Variants in PKHD1 observed in about 807,000 individuals in gnomAD.
The protein encoded by PKHD1 is PKHD1 ciliary IPT domain containing fibrocystin/polyductin, also known as fibrocystin.
Under a neutral mutation model 412.0 loss-of-function variants are expected in PKHD1, and 291 were observed. The ratio of observed to expected loss-of-function variants is 0.71; its 90% CI spans 0.64 to 0.78. The LOEUF is 0.78. Ranked by LOEUF, PKHD1 falls within the 30% of genes least tolerant of loss-of-function variation. The pLI is 0.00. For missense variants in PKHD1, 4,825 were observed against 4,950.7 expected, an observed-to-expected ratio of 0.97 and a Z score of 0.76; for synonymous variants, 1,777 against 1,821.5, an observed-to-expected ratio of 0.98 and a Z score of 0.62.
intron 52 of PKHD1, among the ~76,000 whole-genome samples, chr6:51,800,076 C>T (rs576099852): frequency 3.4e-4 from 51 of 152,188 alleles, no homozygotes; most frequent in African/African-American, 1.2e-3. Context: ...GAAAGAGGCT[C>T]CAAAAAGAAT....
chr6:52,027,943 T>C lies in PKHD1; in HGVS notation c.3561-47A>G, dbSNP rs754131274. ...TTAGGAAATAACTGACAGAGAGAGA[T>C]AAGAAAGAGTAAGCCAGAAGAGCCA... On this transcript the variant is annotated intron_variant, in intron 30 of 66. Coordinates refer to ENST00000371117, the MANE Select transcript of PKHD1 (RefSeq NM_138694.4). 9 of 1,415,650 alleles carry C rather than the reference T, an allele frequency of 6.4e-6. No homozygotes were observed. The East Asian group carries it at 1.8e-4, about 29-fold the overall frequency. 87.7% of individuals were successfully genotyped at this position (1,415,650 alleles called of 1,614,324 possible).
intron 61 of PKHD1, among the ~76,000 whole-genome samples, chr6:51,654,637 A>G (rs1335166190): frequency 9.4e-6 from 1 of 106,308 alleles, no homozygotes; most frequent in Non-Finnish European, 1.9e-5. Flanking sequence ...TTTCATAGCA[A>G]AATAGCAAAA....
At chr6:51,837,777 A>G (rs1769496006) in intron 50 of PKHD1, among the ~76,000 whole-genome samples, 1 of 152,256 alleles carries the variant, frequency 6.6e-6, no homozygotes, top group South Asian at 2.1e-4. Context: ...ATGATCCCCA[A>G]AGAGATCCAT....
At chr6:51,713,531 G>A (rs1416973931) in intron 60 of PKHD1, among the ~76,000 whole-genome samples, 1 of 152,332 alleles carries the variant, frequency 6.6e-6, no homozygotes, top group East Asian at 1.9e-4. Flanking sequence ...TCTGCCGTGA[G>A]TAAGAACATT....
chr6:52,058,050 G>C (rs1347662383), intron 16 of PKHD1, among the ~76,000 whole-genome samples: 2 of 152,168 alleles, frequency 1.3e-5, no homozygotes, highest in Non-Finnish European at 2.9e-5. Context: ...GTGTTTAGAG[G>C]ACCTTGTCTC....
At chr6:51,943,425 T>A (rs1788902528) in intron 36 of PKHD1, among the ~76,000 whole-genome samples, 1 of 150,888 alleles carries the variant, frequency 6.6e-6, no homozygotes, top group African/African-American at 2.4e-5. Flanking sequence ...ATCCCTACTA[T>A]CTTCTGTCTA....
rs140197286 is a variant in PKHD1, at chr6:51,801,639, T to TTGTGTGTGTGTGTGTGTGTGTGTGTGTG, written c.8303-10267_8303-10266insCACACACACACACACACACACACACACA. On this transcript the variant is annotated intron_variant, in intron 52 of 66. Coordinates refer to ENST00000371117, the MANE Select transcript of PKHD1 (RefSeq NM_138694.4). ...GAAGAAAAACCATCTGCTGGCCTGA[T>TTGTGTGTGTGTGTGTGTGTGTGTGTGTG]TGTGTGTGTGTGTGTGAGAGAGAGA... Among the ~76,000 whole-genome samples the TTGTGTGTGTGTGTGTGTGTGTGTGTGTG allele has an allele frequency of 5.3e-3, 635 of 120,128 alleles. 8 individuals are homozygous for TTGTGTGTGTGTGTGTGTGTGTGTGTGTG. Among genetic ancestry groups the TTGTGTGTGTGTGTGTGTGTGTGTGTGTG allele is most frequent in the Middle Eastern group, 0.016 (4 of 244 alleles). The allele number at this position is 120,128 out of a possible 152,430, so 78.8% of individuals were successfully genotyped here. A position where few individuals can be genotyped will look rare whatever the true frequency, so the allele number is the denominator to read the frequency against.
At chr6:51,790,689 G>T (rs1036039298) in intron 53 of PKHD1, among the ~76,000 whole-genome samples, 1 of 152,156 alleles carries the variant, frequency 6.6e-6, no homozygotes, top group African/African-American at 2.4e-5. Context: ...AGAAGCTGTG[G>T]CTACCTTGTA....
At chr6:51,753,551 T>C (rs894325238) in intron 56 of PKHD1, among the ~76,000 whole-genome samples, 198 bp from the exon 57 acceptor site, 2 of 152,186 alleles carry the variant, frequency 1.3e-5, no homozygotes, top group African/African-American at 4.8e-5. Context: ...TTGTCTCTCT[T>C]TGGGATCAGA....
At chr6:51,848,689 A>G (rs2151633830) in intron 49 of PKHD1, among the ~76,000 whole-genome samples, 1 of 152,322 alleles carries the variant, frequency 6.6e-6, no homozygotes, top group South Asian at 2.1e-4. Context: ...TCTGAAAGCC[A>G]TGGAGAGAAG....
chr6:52,074,068 A>T (rs1811019824), intron 6 of PKHD1, among the ~76,000 whole-genome samples: 1 of 152,214 alleles, frequency 6.6e-6, no homozygotes, highest in Non-Finnish European at 1.5e-5. Context: ...AAATAATTAG[A>T]ATATTTAACC....
At chr6:51,734,898 C>T (rs1044908650) in intron 60 of PKHD1, among the ~76,000 whole-genome samples, 1 of 152,110 alleles carries the variant, frequency 6.6e-6, no homozygotes, top group Non-Finnish European at 1.5e-5. Flanking sequence ...GCAAACACTA[C>T]ACCTTTTTAA....
At position 51,639,093 on chromosome 6, in the gene PKHD1, G is replaced by A. The variant is rs1290200848; in HGVS notation, c.11399-137C>T. ...TCAAAGAGGTTACCTAATCCATCAG[G>A]TTCTTCTTAGTCAAGACTTAGAACC... On this transcript the variant is annotated intron_variant, in intron 63 of 66. Transcript: ENST00000371117. 1.7e-5 allele frequency: 12 copies of A among 724,288 alleles called. No homozygotes were observed. The East Asian group carries it at 3.2e-4, about 19-fold the overall frequency. 44.9% of individuals were successfully genotyped at this position (724,288 alleles called of 1,614,324 possible).
At chr6:51,870,733 A>G (rs1270659215) in intron 46 of PKHD1, 94 bp from the exon 47 acceptor site, 27 of 1,013,162 alleles carry the variant, frequency 2.7e-5, no homozygotes, top group Non-Finnish European at 4.1e-5. Context: ...AAAGATAAAA[A>G]AGCGAGCTAT....
intron 61 of PKHD1, among the ~76,000 whole-genome samples, chr6:51,657,351 C>T (rs1772041888): frequency 6.6e-6 from 1 of 152,024 alleles, no homozygotes; most frequent in African/African-American, 2.4e-5. Context: ...CATGAGAAAC[C>T]TTGCTAATTC....
At chr6:52,018,606 C>T (rs966236065) in intron 33 of PKHD1, among the ~76,000 whole-genome samples, 2 of 152,122 alleles carry the variant, frequency 1.3e-5, no homozygotes, top group African/African-American at 2.4e-5. Flanking sequence ...TTCCGCCTCC[C>T]GGGTTCAAGC....
chr6:51,623,550 A>G (rs1022038380), intron 66 of PKHD1, among the ~76,000 whole-genome samples: 2 of 151,992 alleles, frequency 1.3e-5, no homozygotes, highest in East Asian at 3.9e-4. Context: ...AACTTCCATC[A>G]TTGTCCTCCT....
At chr6:51,865,580 C>T (rs987741583) in intron 48 of PKHD1, among the ~76,000 whole-genome samples, 16 of 152,250 alleles carry the variant, frequency 1.1e-4, no homozygotes, top group African/African-American at 3.8e-4. Context: ...GTTTATGCAG[C>T]TATGTAAAGC....
chr6:51,769,474 C>T (rs1252315806), intron 55 of PKHD1, among the ~76,000 whole-genome samples: 3 of 151,232 alleles, frequency 2.0e-5, no homozygotes, highest in Non-Finnish European at 4.4e-5. Flanking sequence ...TAACTCTAAA[C>T]TATTCTGTAC....
Sources: gnomAD v4.1 joint callset for allele counts (sites outside exome capture counted in the v4.1 genomes callset) on GRCh38, gnomAD v4.1.1 for gene constraint, MANE v1.5 for transcripts, NCBI Gene and HGNC (gene_info 2026-07-23, HGNC 2026-07-21) for gene names.